The following LUZP2 variants were observed in gnomAD, a reference collection of about 807,000 sequenced individuals.
The protein encoded by LUZP2 is leucine zipper protein 2.
Under a neutral mutation model 51.6 loss-of-function variants are expected in LUZP2, and 52 were observed. The ratio of observed to expected loss-of-function variants is 1.01; its 90% CI spans 0.81 to 1.27. LUZP2 has a LOEUF of 1.27. LUZP2 is among the 50% of genes most tolerant of loss of function. The pLI is 0.00. For missense variants in LUZP2, 436 were observed against 395.4 expected, an observed-to-expected ratio of 1.10 and a Z score of -0.87; for synonymous variants, 154 against 137.3, an observed-to-expected ratio of 1.12 and a Z score of -0.85.
chr11:24,957,865 T>A (rs968145064), intron 7 of LUZP2, among the ~76,000 whole-genome samples: 2 of 152,308 alleles, frequency 1.3e-5, no homozygotes, highest in East Asian at 1.9e-4. Flanking sequence ...TAACTCGTCA[T>A]CTAGCATTAC....
chr11:24,818,764 C>A (rs1198354099), intron 5 of LUZP2, among the ~76,000 whole-genome samples: 1 of 152,000 alleles, frequency 6.6e-6, no homozygotes, highest in Admixed American at 6.6e-5. Context: ...GAGACGCTTT[C>A]ATGACCCCTT....
At chr11:24,803,048 A>G (rs1849738878) in intron 5 of LUZP2, among the ~76,000 whole-genome samples, 2 of 152,080 alleles carry the variant, frequency 1.3e-5, no homozygotes. Flanking sequence ...AGACTAAGAC[A>G]CATCTCATAT....
Position 25,043,108 on chromosome 11 carries a change from G to T in LUZP2, c.766-6930G>T, listed in dbSNP as rs1858127038. Among the ~76,000 whole-genome samples, 6 of 152,096 alleles carry T rather than the reference G, an allele frequency of 3.9e-5. No individual in the cohort carries two copies. In the South Asian group the frequency reaches 1.2e-3, roughly 32 times the overall value. On this transcript the variant is annotated intron_variant, in intron 9 of 11. Transcript: ENST00000336930. ...AGAGTCTTCATAAGAAACTGATCCT[G>T]CTGGACCTCGATTTGCGATTTCTAG...
At chr11:24,574,299 TTC>T (rs1178857026) in intron 1 of LUZP2, among the ~76,000 whole-genome samples, 3 of 59,364 alleles carry the variant, frequency 5.1e-5, no homozygotes, top group African/African-American at 1.8e-4. Context: ...CTTTCTTTCT[TTC>T]TTTTTCTTTT....
chr11:24,567,131 A>G (rs1221454278), intron 1 of LUZP2, among the ~76,000 whole-genome samples: 1 of 151,026 alleles, frequency 6.6e-6, no homozygotes. Flanking sequence ...GTGAGCCACT[A>G]TGTCCAGCCA....
chr11:24,977,984 A>C (rs1855926737), intron 8 of LUZP2, among the ~76,000 whole-genome samples: 1 of 151,538 alleles, frequency 6.6e-6, no homozygotes, highest in African/African-American at 2.4e-5. Flanking sequence ...AAATTAAGCA[A>C]GTAAGATGAT....
intron 9 of LUZP2, among the ~76,000 whole-genome samples, chr11:24,999,424 GAGGAGGAGGAAGA>G (rs2133939857): frequency 6.6e-6 from 1 of 151,444 alleles, no homozygotes. Context: ...GAAGAAGGAG[GAGGAGGAGGAAGA>G]AGGAGGAGAA....
intron 10 of LUZP2, among the ~76,000 whole-genome samples, chr11:25,057,748 C>G (rs902664776): frequency 1.3e-5 from 2 of 151,894 alleles, no homozygotes; most frequent in Admixed American, 6.6e-5. Context: ...TGTTTAGCAC[C>G]GGGAGCACTA....
intron 10 of LUZP2, among the ~76,000 whole-genome samples, chr11:25,068,864 C>T (rs759090204): frequency 1.8e-4 from 28 of 151,974 alleles, no homozygotes; most frequent in Non-Finnish European, 3.1e-4. Context: ...ATGCATCCCC[C>T]TCACTTACAG....
intron 2 of LUZP2, among the ~76,000 whole-genome samples, chr11:24,731,751 C>T (rs948567167): frequency 6.6e-6 from 1 of 151,628 alleles, no homozygotes; most frequent in Non-Finnish European, 1.5e-5. Flanking sequence ...TGCTATGTTC[C>T]CTAATATTTG....
chr11:24,711,942 C>T (rs1208164561), intron 1 of LUZP2, among the ~76,000 whole-genome samples: 1 of 152,118 alleles, frequency 6.6e-6, no homozygotes, highest in East Asian at 1.9e-4. Flanking sequence ...TTTTTCTTCT[C>T]TCTCAAAAGT....
chr11:24,999,942 G>A (rs1856630299), intron 9 of LUZP2, among the ~76,000 whole-genome samples: 2 of 151,988 alleles, frequency 1.3e-5, no homozygotes, highest in East Asian at 1.9e-4. Context: ...AGTGTGGAAG[G>A]GGACCAGAGT....
chr11:24,782,917 A>G (rs1273197196), intron 5 of LUZP2, among the ~76,000 whole-genome samples: 1 of 152,052 alleles, frequency 6.6e-6, no homozygotes, highest in Non-Finnish European at 1.5e-5. Flanking sequence ...CTGAAACGAA[A>G]TGGAAGGAAG....
chr11:25,078,688 T>C lies in LUZP2; in HGVS notation c.*30T>C, dbSNP rs566609899. The C allele has an allele frequency of 1.3e-6, 2 of 1,481,482 alleles. No homozygotes were observed. Among genetic ancestry groups the C allele is most frequent in the African/African-American group, 2.8e-5 (2 of 71,390 alleles). 91.8% of individuals were successfully genotyped at this position (1,481,482 alleles called of 1,614,324 possible). A position where few individuals can be genotyped will look rare whatever the true frequency, so the allele number is the denominator to read the frequency against. The stretch of plus-strand genomic sequence containing the variant: ...TAAGAAACTGTGTTAAAAACGTCCA[T>C]TTGCTATTGTCTTCATATTCTTTTT... On this transcript the variant is annotated 3_prime_UTR_variant, in exon 12 of 12. Coordinates refer to ENST00000336930, the MANE Select transcript of LUZP2 (RefSeq NM_001009909.4).
chr11:24,873,978 T>C (rs903488927), intron 5 of LUZP2, among the ~76,000 whole-genome samples: 1 of 121,294 alleles, frequency 8.2e-6, no homozygotes, highest in Non-Finnish European at 1.9e-5. Context: ...TTAGCAACCA[T>C]AGAAAAAAAA....
intron 2 of LUZP2, among the ~76,000 whole-genome samples, chr11:24,731,846 T>C (rs1858724394): frequency 6.6e-6 from 1 of 151,756 alleles, no homozygotes; most frequent in Admixed American, 6.6e-5. Flanking sequence ...TGTTTTTTAT[T>C]CACTTTTAAA....
At chr11:24,963,315 A>T (rs1395135305) in intron 7 of LUZP2, among the ~76,000 whole-genome samples, 4 of 152,180 alleles carry the variant, frequency 2.6e-5, no homozygotes, top group Admixed American at 2.0e-4. Context: ...GGGACATTTA[A>T]GTCTGCAGAG....
intron 9 of LUZP2, among the ~76,000 whole-genome samples, chr11:25,000,000 GC>G (rs1325679469): frequency 2.0e-5 from 3 of 152,026 alleles, no homozygotes; most frequent in Non-Finnish European, 4.4e-5. Flanking sequence ...CCCTTATTTG[GC>G]CCCGCCCATA....
At chr11:24,587,459 A>G (rs1853108581) in intron 1 of LUZP2, among the ~76,000 whole-genome samples, 1 of 152,084 alleles carries the variant, frequency 6.6e-6, no homozygotes. Context: ...CAATGTCTGG[A>G]CGGAAAATTT....
Sources: gnomAD v4.1 joint callset for allele counts (sites outside exome capture counted in the v4.1 genomes callset) on GRCh38, gnomAD v4.1.1 for gene constraint, MANE v1.5 for transcripts, NCBI Gene and HGNC (gene_info 2026-07-23, HGNC 2026-07-21) for gene names.